Variants in RBFOX2 observed in about 807,000 individuals in gnomAD.
RBFOX2 encodes the protein RNA binding fox-1 homolog 2, also known as RNA binding protein fox-1 homolog 2.
In RBFOX2, 10 loss-of-function variants were observed where a neutral mutation model predicts 49.1. The ratio of observed to expected loss-of-function variants is 0.20; its 90% confidence interval spans 0.13 to 0.35. RBFOX2 has a LOEUF of 0.35. RBFOX2 is among the 10% of genes least tolerant of loss of function. RBFOX2 has a pLI of 1.00. For synonymous variants in RBFOX2, 183 were observed against 187.4 expected (o/e 0.98, Z 0.19); for missense variants, 323 against 486.9 (o/e 0.66, Z 3.17).
chr22:35,884,000 C>CTTTTTT (rs34644201), intron 1 of RBFOX2, among the ~76,000 whole-genome samples: 22 of 62,680 alleles, frequency 3.5e-4, no homozygotes, highest in Admixed American at 4.8e-4. Context: ...GTAGTTATCT[C>CTTTTTT]TTTTTTTTTT....
At chr22:35,755,974 T>C (rs1936784541) in intron 9 of RBFOX2, 131 bp downstream of exon 11, 10 of 410,762 alleles carry the variant, frequency 2.4e-5, no homozygotes. Flanking sequence ...TATATATATA[T>C]CCACAAGGAA....
intron 2 of RBFOX2, among the ~76,000 whole-genome samples, chr22:35,784,528 G>C (rs1156944850): frequency 6.6e-6 from 1 of 152,234 alleles, no homozygotes; most frequent in African/African-American, 2.4e-5. Context: ...TCCACGCAGG[G>C]AGGCAGGCAG....
chr22:35,840,601 A>T, upstream of RBFOX2: 1 of 1,135,194 alleles, frequency 8.8e-7, no homozygotes, highest in East Asian at 5.5e-5. Flanking sequence ...AGTTTGGTGT[A>T]CGCTGTGCGC....
chr22:35,823,388 C>T (rs975616111), intron 1 of RBFOX2, among the ~76,000 whole-genome samples: 1 of 152,222 alleles, frequency 6.6e-6, no homozygotes, highest in African/African-American at 2.4e-5. Context: ...TTTCATCCAA[C>T]TATTGGTTCT....
At chr22:35,973,922 C>T (rs995048245) in intron 1 of RBFOX2, among the ~76,000 whole-genome samples, 3 of 152,168 alleles carry the variant, frequency 2.0e-5, no homozygotes, top group Non-Finnish European at 2.9e-5. Context: ...CCCCTCTCTA[C>T]GCTGGCAAGA....
chr22:35,801,546 C>T (rs1441099716), intron 2 of RBFOX2, among the ~76,000 whole-genome samples: 1 of 151,958 alleles, frequency 6.6e-6, no homozygotes, highest in Admixed American at 6.6e-5. Context: ...ACTTTTGGGC[C>T]AGGCAGAGTG....
intron 1 of RBFOX2, among the ~76,000 whole-genome samples, chr22:35,933,693 C>CTTT (rs2052681963): frequency 6.6e-6 from 1 of 152,010 alleles, no homozygotes; most frequent in Non-Finnish European, 1.5e-5. Flanking sequence ...GTATAAGCCT[C>CTTT]TTTTAATCAA....
intron 1 of RBFOX2, among the ~76,000 whole-genome samples, chr22:35,958,975 ATT>A (rs1491571607): frequency 9.9e-4 from 151 of 152,018 alleles, no homozygotes; most frequent in African/African-American, 1.5e-3. Context: ...ATATATATAT[ATT>A]GTGTAAAGCT....
At chr22:35,838,331 C>A (rs575308630) in intron 1 of RBFOX2, among the ~76,000 whole-genome samples, 41 of 150,902 alleles carry the variant, frequency 2.7e-4, no homozygotes, top group Admixed American at 1.3e-3. Flanking sequence ...TTGTTACACT[C>A]GGCCACAAAT....
At position 35,926,185 on chromosome 22, in the gene RBFOX2, T is replaced by C. The variant is rs532413801; in HGVS notation, c.-34+12662A>G. 9.8e-5 allele frequency among the ~76,000 whole-genome samples: 15 copies of C among 152,306 alleles called. No homozygotes were observed. The East Asian group carries it at 2.3e-3, about 23-fold the overall frequency. ...GTTGAAGAACAAAGCACTGAATAAA[T>C]ATGTCAAGCTTCTTAAATGTAACTC... On this transcript the variant is annotated intron_variant, in intron 1 of 13. Transcript: ENST00000359369.
chr22:35,802,914 C>T (rs529512122), intron 2 of RBFOX2, among the ~76,000 whole-genome samples: 1 of 152,260 alleles, frequency 6.6e-6, no homozygotes, highest in Non-Finnish European at 1.5e-5. Flanking sequence ...ACTTTCCATG[C>T]ACTTCCCAAT....
intron 1 of RBFOX2, chr22:35,998,824 A>T (rs1439740031): frequency 6.5e-6 from 1 of 152,674 alleles, no homozygotes; most frequent in Non-Finnish European, 1.5e-5. Flanking sequence ...ATGAGATGAC[A>T]TCTGGAGCCT....
chr22:35,812,708 A>C (rs1410585308), intron 1 of RBFOX2, among the ~76,000 whole-genome samples: 1 of 152,230 alleles, frequency 6.6e-6, no homozygotes, highest in African/African-American at 2.4e-5. Flanking sequence ...ATAATTGGTA[A>C]AAGCTAAAAG....
intron 1 of RBFOX2, among the ~76,000 whole-genome samples, chr22:35,955,253 T>C (rs2055410093): frequency 6.6e-6 from 1 of 152,178 alleles, no homozygotes; most frequent in South Asian, 2.1e-4. Flanking sequence ...TACCAAAGAC[T>C]CCAAAGAGCT....
chr22:35,839,427 G>A (rs1301110490), intron 1 of RBFOX2, among the ~76,000 whole-genome samples: 1 of 151,612 alleles, frequency 6.6e-6, no homozygotes, highest in African/African-American at 2.4e-5. Flanking sequence ...GATTGAGGGG[G>A]TTGGGGGAGA....
At chr22:35,786,800 C>T (rs2147316832) in intron 2 of RBFOX2, among the ~76,000 whole-genome samples, 1 of 152,326 alleles carries the variant, frequency 6.6e-6, no homozygotes, top group South Asian at 2.1e-4. Context: ...TCCAAGGTCA[C>T]ACAGTAAGCA....
chr22:36,001,474 A>T (rs1369270467), intron 1 of RBFOX2, among the ~76,000 whole-genome samples: 1 of 152,174 alleles, frequency 6.6e-6, no homozygotes, highest in African/African-American at 2.4e-5. Flanking sequence ...AAAATATACA[A>T]ATTAGGCCAG....
chr22:35,742,671 T>C (rs1173333152), exon 12 of RBFOX2: 2 of 152,748 alleles, frequency 1.3e-5, no homozygotes, highest in East Asian at 3.9e-4. Context: ...CTTGCTTTTA[T>C]CAGTTCTATC....
At chr22:35,861,915 A>C (rs2043138662) in intron 1 of RBFOX2, among the ~76,000 whole-genome samples, 1 of 152,228 alleles carries the variant, frequency 6.6e-6, no homozygotes, top group South Asian at 2.1e-4. Flanking sequence ...AAATTGTCAT[A>C]TATCCACAAT....
Sources: gnomAD v4.1 joint callset for allele counts (sites outside exome capture counted in the v4.1 genomes callset) on GRCh38, gnomAD v4.1.1 for gene constraint, MANE v1.5 for transcripts, NCBI Gene and HGNC (gene_info 2026-07-23, HGNC 2026-07-21) for gene names.